The following RAB6A variants were observed in gnomAD, a reference collection of about 807,000 sequenced individuals.
RAB6A encodes the protein ras-related protein Rab-6A.
In RAB6A, 8 loss-of-function variants were observed where a neutral mutation model predicts 32.3. The ratio of observed to expected loss-of-function variants is 0.25; its 90% CI spans 0.15 to 0.45. The LOEUF (loss-of-function observed/expected upper bound fraction) is 0.45. Among genes scored for constraint, RAB6A ranks in the 20% least tolerant of loss-of-function variants. RAB6A has a pLI of 1.00. For missense variants in RAB6A, 104 were observed against 249.4 expected (o/e 0.42, Z 3.93); for synonymous variants, 73 against 82.1 (o/e 0.89, Z 0.60).
chr11:73,733,618 T>C (rs151273527), intron 1 of RAB6A, among the ~76,000 whole-genome samples: 9 of 151,444 alleles, frequency 5.9e-5, no homozygotes, highest in African/African-American at 1.7e-4. Flanking sequence ...TGTGGCATAG[T>C]CATAAAATGA....
chr11:73,700,268 T>C (rs1945719675), intron 6 of RAB6A, among the ~76,000 whole-genome samples: 2 of 152,102 alleles, frequency 1.3e-5, no homozygotes, highest in South Asian at 2.1e-4. Context: ...TTAAACACCA[T>C]ACCACTTTCA....
chr11:73,680,949 A>T (rs1188724554), intron 6 of RAB6A, among the ~76,000 whole-genome samples: 1 of 152,212 alleles, frequency 6.6e-6, no homozygotes, highest in Non-Finnish European at 1.5e-5. Context: ...CAGATACTGG[A>T]ACAACAGTTT....
At chr11:73,734,503 C>CT (rs1396859621) in intron 1 of RAB6A, among the ~76,000 whole-genome samples, 2 of 152,164 alleles carry the variant, frequency 1.3e-5, no homozygotes, top group African/African-American at 4.8e-5. Flanking sequence ...AGTCACCAAT[C>CT]TTTTTGGCAC....
chr11:73,744,061 G>A (rs1024027408), intron 1 of RAB6A, among the ~76,000 whole-genome samples: 8 of 151,918 alleles, frequency 5.3e-5, no homozygotes, highest in South Asian at 2.1e-4. Flanking sequence ...TAAACTGGAC[G>A]GGCGCAGTGG....
intron 5 of RAB6A, among the ~76,000 whole-genome samples, chr11:73,714,961 A>T (rs1946031395): frequency 6.6e-6 from 1 of 152,136 alleles, no homozygotes; most frequent in South Asian, 2.1e-4. Flanking sequence ...ATGAGACTCC[A>T]TCCCAAAAAA....
chr11:73,736,026 G>A (rs1251814902), intron 1 of RAB6A, among the ~76,000 whole-genome samples: 22 of 149,740 alleles, frequency 1.5e-4, no homozygotes, highest in Admixed American at 1.1e-3. Context: ...TGGCATGATC[G>A]TGGCTCACCA....
intron 6 of RAB6A, among the ~76,000 whole-genome samples, chr11:73,690,473 A>C (rs1659739225): frequency 6.6e-6 from 1 of 151,664 alleles, no homozygotes; most frequent in Admixed American, 6.6e-5. Context: ...ATAGCCTTGA[A>C]CTCCTGGGTT....
chr11:73,713,470 A>G (rs921425173), intron 5 of RAB6A, among the ~76,000 whole-genome samples: 32 of 151,978 alleles, frequency 2.1e-4, no homozygotes, highest in African/African-American at 7.7e-4. Context: ...CAGGAGGCTG[A>G]GGCAGGAGAA....
At chr11:73,737,994 C>CAAAAAAA (rs57456237) in intron 1 of RAB6A, among the ~76,000 whole-genome samples, 6 of 99,728 alleles carry the variant, frequency 6.0e-5, no homozygotes, top group African/African-American at 2.5e-4. Context: ...GACTCCATCT[C>CAAAAAAA]AAAAAAAAAA....
intron 6 of RAB6A, 86 bp from the exon 7 acceptor site, chr11:73,679,806 C>A: frequency 6.4e-7 from 1 of 1,557,990 alleles, no homozygotes; most frequent in Non-Finnish European, 8.8e-7. Context: ...AGTGAGCTGT[C>A]TAATGCTGGG....
intron 2 of RAB6A, among the ~76,000 whole-genome samples, chr11:73,724,729 G>A (rs974235499): frequency 2.0e-5 from 3 of 151,912 alleles, no homozygotes; most frequent in Admixed American, 6.6e-5. Flanking sequence ...CTTGTGATCC[G>A]CCCGCCTTGG....
intron 1 of RAB6A, among the ~76,000 whole-genome samples, chr11:73,738,155 T>A (rs1055537104): frequency 1.3e-5 from 2 of 152,020 alleles, no homozygotes; most frequent in Non-Finnish European, 2.9e-5. Context: ...GAATGTTATT[T>A]TTTATTTATT....
At chr11:73,734,922 T>C (rs74492719) in intron 1 of RAB6A, among the ~76,000 whole-genome samples, 8,273 of 152,270 alleles carry the variant, frequency 0.054, 359 homozygotes, top group East Asian at 0.17. Context: ...TGCATTATAC[T>C]TGAGCATCCT....
At chr11:73,730,585 T>C (rs1946287694) in intron 2 of RAB6A, 180 bp downstream of exon 2, 2 of 540,306 alleles carry the variant, frequency 3.7e-6, no homozygotes, top group Non-Finnish European at 6.5e-6. Context: ...AGAAATCAAA[T>C]GATAAAAGTT....
At chr11:73,693,236 T>G (rs527443686) in intron 6 of RAB6A, among the ~76,000 whole-genome samples, 1 of 151,928 alleles carries the variant, frequency 6.6e-6, no homozygotes, top group South Asian at 2.1e-4. Flanking sequence ...TGCAGTGAGC[T>G]GCGATCACGC....
intron 6 of RAB6A, among the ~76,000 whole-genome samples, chr11:73,691,688 C>A (rs1023006274): frequency 6.6e-6 from 1 of 152,150 alleles, no homozygotes; most frequent in Non-Finnish European, 1.5e-5. Context: ...TGGCCAGGCA[C>A]GGTGGCTCAC....
intron 1 of RAB6A, among the ~76,000 whole-genome samples, chr11:73,748,922 C>G (rs556007267): frequency 1.3e-5 from 2 of 152,066 alleles, no homozygotes; most frequent in Non-Finnish European, 2.9e-5. Context: ...GTAAGGAGTT[C>G]AAGACCAGCC....
At position 73,735,920 on chromosome 11, in the gene RAB6A, TAAAAAAA is replaced by T. The variant is rs10676769; in HGVS notation, c.71-5104_71-5098del. 3.4e-5 allele frequency among the ~76,000 whole-genome samples: 3 copies of T among 87,084 alleles called. No homozygotes were observed. The South Asian group carries it at 1.6e-3, about 46-fold the overall frequency. The allele number at this position is 87,084 out of a possible 152,430, so 57.1% of individuals were successfully genotyped here. A position where few individuals can be genotyped will look rare whatever the true frequency, so the allele number is the denominator to read the frequency against. On this transcript the variant is annotated intron_variant, in intron 1 of 7. Coordinates refer to ENST00000336083, the MANE Select transcript of RAB6A (RefSeq NM_198896.2). Reference sequence around the variant, plus strand: ...AGTTTCTGGAATCCCAACCTTGCCTTAAAAAAAAAAAAAAAAAAGAGAGAGAGAGACA... The same window carrying T: ...AGTTTCTGGAATCCCAACCTTGCCTTAAAAAAAAAAAGAGAGAGAGAGACA...
chr11:73,725,862 A>G (rs539268732), intron 2 of RAB6A, among the ~76,000 whole-genome samples: 3 of 152,336 alleles, frequency 2.0e-5, no homozygotes, highest in East Asian at 1.9e-4. Context: ...TTTAAAAACA[A>G]CATGGAAGGG....
Sources: allele counts gnomAD v4.1 joint callset (sites outside exome capture counted in the v4.1 genomes callset), GRCh38; gene constraint gnomAD v4.1.1; transcripts MANE v1.5; gene names NCBI Gene and HGNC (gene_info 2026-07-23, HGNC 2026-07-21).